HMCES: variants seen among roughly 807,000 people sequenced by gnomAD.
The protein encoded by HMCES is abasic site processing protein HMCES.
In HMCES, 27 loss-of-function variants were observed where a neutral mutation model predicts 35.1. The ratio of observed to expected loss-of-function variants is 0.77; its 90% CI spans 0.57 to 1.06. The LOEUF (loss-of-function observed/expected upper bound fraction) is 1.06. Ranked by LOEUF, HMCES falls within the 50% of genes least tolerant of loss-of-function variation. The pLI is 0.00. For synonymous variants in HMCES, 130 were observed against 154.7 expected (o/e 0.84, Z 1.18); for missense variants, 391 against 430.4 (o/e 0.91, Z 0.81).
chr3:129,289,664 CA>C (rs921186732), intron 3 of HMCES, among the ~76,000 whole-genome samples: 4 of 151,970 alleles, frequency 2.6e-5, no homozygotes, highest in Non-Finnish European at 2.9e-5. Context: ...TGTGAGCTAT[CA>C]CGCCCGGCCT....
chr3:129,297,940 T>C (rs1255235844), intron 4 of HMCES, among the ~76,000 whole-genome samples: 2 of 152,208 alleles, frequency 1.3e-5, no homozygotes, highest in Non-Finnish European at 2.9e-5. Flanking sequence ...CAATTAGGAA[T>C]TGGCATGAAA....
chr3:129,290,841 G>A lies in HMCES; in HGVS notation c.453+37G>A. The A allele has an allele frequency of 2.5e-6, 4 of 1,582,306 alleles. No homozygotes were observed. The Admixed American group carries it at 6.9e-5, about 27-fold the overall frequency. ...AGCATTCACAATATATATTTGGAAA[G>A]GCACAGGGAAACAAATTAATCCAAA... On this transcript the variant is annotated intron_variant, in intron 4 of 6. Transcript: ENST00000383463.
chr3:129,287,038 G>T (rs993549181), intron 2 of HMCES, among the ~76,000 whole-genome samples: 2 of 152,162 alleles, frequency 1.3e-5, no homozygotes, highest in Non-Finnish European at 2.9e-5. Flanking sequence ...GTAAAAGGAC[G>T]CAGAATAGAA....
intron 2 of HMCES, among the ~76,000 whole-genome samples, chr3:129,287,274 G>T (rs1940664229): frequency 6.6e-6 from 1 of 151,898 alleles, no homozygotes; most frequent in African/African-American, 2.4e-5. Context: ...CCAGGTTGGA[G>T]TGCAGTGGCT....
At chr3:129,299,865 G>A (rs2071140845) in intron 5 of HMCES, among the ~76,000 whole-genome samples, 1 of 151,714 alleles carries the variant, frequency 6.6e-6, no homozygotes, top group Admixed American at 6.6e-5. Flanking sequence ...TCCTGACCTT[G>A]TGATCCACCT....
intron 3 of HMCES, among the ~76,000 whole-genome samples, chr3:129,289,751 A>C (rs1440742043): frequency 6.6e-6 from 1 of 152,108 alleles, no homozygotes; most frequent in Non-Finnish European, 1.5e-5. Context: ...GGGTGTGAAT[A>C]CTGGGAAGCA....
rs556891970 is a variant in HMCES, at chr3:129,292,170, A to G, written c.453+1366A>G. On this transcript the variant is annotated intron_variant, in intron 4 of 6. Coordinates refer to ENST00000383463, the MANE Select transcript of HMCES (RefSeq NM_020187.3). ...GATTGAAAACAAATCTGACATGCCA[A>G]CATCATGTTTTATTTTTAATTAGAT... Among the ~76,000 whole-genome samples the G allele has an allele frequency of 2.9e-3, 444 of 152,346 alleles. 2 individuals carry two copies. The highest frequency in any genetic ancestry group is 4.6e-3 in the Non-Finnish European group (311 of 68,040).
At chr3:129,294,746 C>A (rs1303657314) in intron 4 of HMCES, among the ~76,000 whole-genome samples, 1 of 152,148 alleles carries the variant, frequency 6.6e-6, no homozygotes, top group East Asian at 1.9e-4. Flanking sequence ...ATCCAGTTTT[C>A]TCTCTGGTAT....
At chr3:129,286,357 T>TG (rs1266049488) in intron 2 of HMCES, among the ~76,000 whole-genome samples, 1 of 152,190 alleles carries the variant, frequency 6.6e-6, no homozygotes, top group Non-Finnish European at 1.5e-5. Context: ...AACCAGAAAG[T>TG]GGGCCCTCAC....
At chr3:129,280,783 C>G (rs770334054) in intron 2 of HMCES, among the ~76,000 whole-genome samples, 6 of 152,180 alleles carry the variant, frequency 3.9e-5, no homozygotes, top group Non-Finnish European at 8.8e-5. Flanking sequence ...AATTACCAGT[C>G]ACTTACATTC....
intron 6 of HMCES, among the ~76,000 whole-genome samples, chr3:129,304,299 C>A (rs1447478198): frequency 6.6e-6 from 1 of 152,226 alleles, no homozygotes; most frequent in African/African-American, 2.4e-5. Context: ...GAATTACATT[C>A]TTTTCCCTGA....
intron 2 of HMCES, among the ~76,000 whole-genome samples, chr3:129,287,106 T>C (rs1940657494): frequency 6.6e-6 from 1 of 152,216 alleles, no homozygotes; most frequent in African/African-American, 2.4e-5. Flanking sequence ...CAGGTTTCCT[T>C]ATGTTTTCCT....
intron 3 of HMCES, among the ~76,000 whole-genome samples, chr3:129,290,394 G>T (rs887188460): frequency 2.0e-5 from 3 of 151,694 alleles, no homozygotes; most frequent in Admixed American, 6.6e-5. Flanking sequence ...AGTGATTCTC[G>T]TGCTTTAGCC....
Position 129,304,968 on chromosome 3 carries a change from T to C in HMCES, c.*143T>C. ...AGTTGTGGGCTCATGTAGTCTTTTTTGCCATGAGTAGGAGCCCCTAGTGGG... is the reference window on the plus strand; with the variant it reads ...AGTTGTGGGCTCATGTAGTCTTTTTCGCCATGAGTAGGAGCCCCTAGTGGG... On this transcript the variant is annotated 3_prime_UTR_variant, in exon 7 of 7. Coordinates refer to ENST00000383463, the MANE Select transcript of HMCES (RefSeq NM_020187.3). 1 of 678,362 alleles carries C rather than the reference T, an allele frequency of 1.5e-6. No individual in the cohort carries two copies. The highest frequency in any genetic ancestry group is 2.5e-6 in the Non-Finnish European group (1 of 402,196). 42.0% of individuals were successfully genotyped at this position (678,362 alleles called of 1,614,324 possible). A position where few individuals can be genotyped will look rare whatever the true frequency, so the allele number is the denominator to read the frequency against.
At position 129,304,647 on chromosome 3, in the gene HMCES, C is replaced by T. The variant is rs141661279; in HGVS notation, c.887C>T (p.Pro296Leu). The T allele has an allele frequency of 7.4e-6, 12 of 1,614,000 alleles. No individual in the cohort carries two copies. Among genetic ancestry groups the T allele is most frequent in the Non-Finnish European group, 1.0e-5 (12 of 1,180,028 alleles). The change falls in exon 7 of 7, where the codon CCC becomes CTC. Residue 296 changes from proline to leucine, a missense_variant. By Grantham distance (98) the Pro-to-Leu change is moderately conservative (BLOSUM62 -3). Coordinates refer to ENST00000383463, the MANE Select transcript of HMCES (RefSeq NM_020187.3). ...TTGCAGTGGTTGGCCACAAAGTCAC[C>T]CAAAAAGGAAGACTCAAAAACACCT... ...RMLQWLATKS[P>L]KKEDSKTPQK...
chr3:129,291,211 G>A (rs1560075211), intron 4 of HMCES, among the ~76,000 whole-genome samples: 3 of 152,126 alleles, frequency 2.0e-5, no homozygotes, highest in Non-Finnish European at 4.4e-5. Flanking sequence ...ATAAAATAAA[G>A]TGAAATGAAA....
At chr3:129,301,116 C>T (rs2071160877) in intron 5 of HMCES, among the ~76,000 whole-genome samples, 2 of 140,680 alleles carry the variant, frequency 1.4e-5, no homozygotes, top group South Asian at 2.2e-4. Flanking sequence ...GGCATGAACC[C>T]GGGGGGTGGA....
chr3:129,301,709 C>G (rs906067888), intron 5 of HMCES, among the ~76,000 whole-genome samples: 1 of 152,176 alleles, frequency 6.6e-6, no homozygotes, highest in Non-Finnish European at 1.5e-5. Context: ...GTACACTAGA[C>G]CAGTTAGTAC....
At chr3:129,294,041 T>C (rs2071058446) in intron 4 of HMCES, among the ~76,000 whole-genome samples, 1 of 152,216 alleles carries the variant, frequency 6.6e-6, no homozygotes, top group African/African-American at 2.4e-5. Context: ...CTTTGTTCCT[T>C]TTCTCCTGAT....
Sources: allele counts gnomAD v4.1 joint callset (sites outside exome capture counted in the v4.1 genomes callset), GRCh38; gene constraint gnomAD v4.1.1; transcripts MANE v1.5; gene names NCBI Gene and HGNC (gene_info 2026-07-23, HGNC 2026-07-21).